Variants in NDUFV2 observed in about 807,000 individuals in gnomAD.
NDUFV2 encodes NADH:ubiquinone oxidoreductase core subunit V2, also known as NADH dehydrogenase [ubiquinone] flavoprotein 2, mitochondrial.
A neutral mutation model predicts 31.6 loss-of-function variants in NDUFV2; 18 were observed. The ratio of observed to expected loss-of-function variants is 0.57; its 90% CI spans 0.39 to 0.84. The LOEUF is 0.84. Ranked by LOEUF, NDUFV2 falls within the 40% of genes least tolerant of loss-of-function variation. NDUFV2 has a pLI of 0.00. For synonymous variants in NDUFV2, 83 were observed against 99.8 expected, an observed-to-expected ratio of 0.83 and a Z score of 1.01; for missense variants, 314 against 303.6, an observed-to-expected ratio of 1.03 and a Z score of -0.26.
chr18:9,105,698 G>A (rs982785090), intron 1 of NDUFV2, among the ~76,000 whole-genome samples: 1 of 152,112 alleles, frequency 6.6e-6, no homozygotes, highest in African/African-American at 2.4e-5. Context: ...TTTACAGTGG[G>A]GTTATCTGGA....
chr18:9,129,300 A>G (rs1229136377), intron 7 of NDUFV2, among the ~76,000 whole-genome samples: 1 of 152,132 alleles, frequency 6.6e-6, no homozygotes, highest in Non-Finnish European at 1.5e-5. Context: ...TATGGTTCAT[A>G]TTAATCTAGT....
chr18:9,112,172 C>T (rs938526931), intron 1 of NDUFV2, among the ~76,000 whole-genome samples: 1 of 151,956 alleles, frequency 6.6e-6, no homozygotes, highest in Non-Finnish European at 1.5e-5. Context: ...GTGTGCGCCA[C>T]CACACGCGGT....
Position 9,134,309 on chromosome 18 carries a change from A to G in NDUFV2, c.*30A>G. ...TATTGAACTGTAAATATGTCACTAG[A>G]GAAATAAAATATGGACTTCCAATCT... On this transcript the variant is annotated 3_prime_UTR_variant, in exon 8 of 8. Transcript: ENST00000318388. 3 of 1,490,168 alleles carry G rather than the reference A, an allele frequency of 2.0e-6. No homozygotes were observed. The highest frequency in any genetic ancestry group is 2.8e-6 in the Non-Finnish European group (3 of 1,069,294). The allele number at this position is 1,490,168 out of a possible 1,614,324, so 92.3% of individuals were successfully genotyped here.
Position 9,119,573 on chromosome 18 carries a change from A to G in NDUFV2, c.283A>G (p.Ile95Val). 1.9e-6 allele frequency: 3 copies of G among 1,612,874 alleles called. No homozygotes were observed. Among genetic ancestry groups the G allele is most frequent in the Non-Finnish European group, 8.5e-7 (1 of 1,178,932 alleles). Residue 95 changes from isoleucine (I) to valine (V), a missense_variant, in exon 4 of 8, where the codon ATC becomes GTC. By Grantham distance (29) the Ile-to-Val change is conservative. Coordinates refer to ENST00000318388, the MANE Select transcript of NDUFV2 (RefSeq NM_021074.5). ...LAQRQNGWLP[I>V]SAMNKVAEVL... ...CCAAAGGCAGAATGGGTGGTTGCCC[A>G]TCTCTGCTATGAACAAGGTACTGGA...
intron 1 of NDUFV2, chr18:9,104,207 C>G (rs746591919): frequency 2.5e-6 from 4 of 1,593,212 alleles, no homozygotes; most frequent in Middle Eastern, 1.7e-4. Flanking sequence ...GTATGAGAAG[C>G]CACCCTCTGC....
intron 5 of NDUFV2, among the ~76,000 whole-genome samples, chr18:9,123,999 CTT>C (rs2077963755): frequency 6.6e-6 from 1 of 152,090 alleles, no homozygotes. Context: ...TTTTCTGAGT[CTT>C]TGCCAAATCT....
rs749071001 is a variant in NDUFV2 at position 9,124,864 on chromosome 18, G to C, written c.470-10G>C. The C allele has an allele frequency of 3.1e-6, 5 of 1,599,454 alleles. No individual in the cohort carries two copies. Among genetic ancestry groups the C allele is most frequent in the Non-Finnish European group, 3.4e-6 (4 of 1,172,978 alleles). On this transcript the variant is annotated splice_polypyrimidine_tract_variant and intron_variant, in intron 5 of 7. Coordinates refer to ENST00000318388, the MANE Select transcript of NDUFV2 (RefSeq NM_021074.5). ...AACCTGGTCCTTAGAGTGTTTATTT[G>C]TATTTTTAGGAATAAAGGTTGGGGA... is the stretch of plus-strand genomic sequence containing the variant.
chr18:9,110,555 C>T (rs2144731921), intron 1 of NDUFV2, among the ~76,000 whole-genome samples: 1 of 152,300 alleles, frequency 6.6e-6, no homozygotes, highest in South Asian at 2.1e-4. Context: ...GTCTCCCAGG[C>T]TTGGGTGCAG....
intron 7 of NDUFV2, among the ~76,000 whole-genome samples, chr18:9,133,130 G>C (rs2078055038): frequency 6.6e-6 from 1 of 152,064 alleles, no homozygotes; most frequent in South Asian, 2.1e-4. Context: ...TATATTATGT[G>C]GTGTCACTTT....
chr18:9,131,102 A>G (rs920654788), intron 7 of NDUFV2, among the ~76,000 whole-genome samples: 4 of 152,230 alleles, frequency 2.6e-5, no homozygotes, highest in Non-Finnish European at 4.4e-5. Context: ...TGTCTGTATT[A>G]TATACTGACT....
At chr18:9,132,342 T>A (rs1490609323) in intron 7 of NDUFV2, 2 of 152,326 alleles carry the variant, frequency 1.3e-5, no homozygotes, top group East Asian at 3.9e-4. Context: ...AAGATCCATA[T>A]CTATCCAAAC....
intron 1 of NDUFV2, chr18:9,104,072 A>G: frequency 7.0e-7 from 1 of 1,423,166 alleles, no homozygotes; most frequent in Non-Finnish European, 9.7e-7. Context: ...AGGGTCATCC[A>G]ATGTGGTTTC....
At chr18:9,107,505 G>A (rs949742838) in intron 1 of NDUFV2, among the ~76,000 whole-genome samples, 2 of 152,146 alleles carry the variant, frequency 1.3e-5, no homozygotes, top group Non-Finnish European at 2.9e-5. Context: ...ATTTTGGTTA[G>A]GGGGAAGGTG....
chr18:9,132,126 T>G (rs2078045363), intron 7 of NDUFV2: 1 of 152,204 alleles, frequency 6.6e-6, no homozygotes. Context: ...TGTAATTTTA[T>G]GGAACAAACT....
At chr18:9,131,810 T>C (rs1294826780) in intron 7 of NDUFV2, among the ~76,000 whole-genome samples, 2 of 152,132 alleles carry the variant, frequency 1.3e-5, no homozygotes, top group Non-Finnish European at 2.9e-5. Context: ...TAGATGGCAT[T>C]TTAAGCATGA....
rs541006130 is a variant in NDUFV2, at chr18:9,109,536, T to C, written c.54+6739T>C. ...AAGAGTAGAGCCCATGAAAAGACAA[T>C]TAAGGAATCCTATTGGGGAGAATAT... On this transcript the variant is annotated intron_variant, in intron 1 of 7. Coordinates refer to ENST00000318388, the MANE Select transcript of NDUFV2 (RefSeq NM_021074.5). Among the ~76,000 whole-genome samples, 3 of 152,312 alleles carry C rather than the reference T, an allele frequency of 2.0e-5. No homozygotes were observed. In the South Asian group the frequency reaches 6.2e-4, roughly 32 times the overall value.
intron 5 of NDUFV2, among the ~76,000 whole-genome samples, chr18:9,123,497 G>GT (rs1344879854): frequency 6.8e-6 from 1 of 147,332 alleles, no homozygotes; most frequent in East Asian, 2.0e-4. Flanking sequence ...TTTTTTTTCT[G>GT]TTTTTTTGAG....
intron 1 of NDUFV2, among the ~76,000 whole-genome samples, chr18:9,117,161 C>T (rs1316802866): frequency 1.3e-5 from 2 of 151,942 alleles, no homozygotes; most frequent in South Asian, 2.1e-4. Flanking sequence ...CTAAGCCTCC[C>T]GAGTAGCTGG....
intron 1 of NDUFV2, among the ~76,000 whole-genome samples, chr18:9,116,998 T>C (rs919358799): frequency 5.9e-5 from 9 of 151,624 alleles, no homozygotes; most frequent in South Asian, 2.1e-4. Context: ...AACTGAACAT[T>C]GTCAGTCCGC....
Sources: gnomAD v4.1 joint callset for allele counts (sites outside exome capture counted in the v4.1 genomes callset) on GRCh38, gnomAD v4.1.1 for gene constraint, MANE v1.5 for transcripts, NCBI Gene and HGNC (gene_info 2026-07-23, HGNC 2026-07-21) for gene names.